NEAT1: variants seen among roughly 807,000 people sequenced by gnomAD.
NEAT1 encodes the protein nuclear paraspeckle assembly transcript 1, also known as MENepsilon/beta.
exon 1 of NEAT1, chr11:65,430,730 C>T (rs912817465): frequency 3.3e-5 from 5 of 152,258 alleles, no homozygotes; most frequent in East Asian, 3.9e-4. Flanking sequence ...GGCATTGCCT[C>T]GGCAGTGAGC....
chr11:65,438,545 C>T (rs1294799900), exon 1 of NEAT1: 2 of 152,178 alleles, frequency 1.3e-5, no homozygotes, highest in Non-Finnish European at 2.9e-5. Context: ...TGTCTCTCCC[C>T]CTAGTCTTTG....
exon 1 of NEAT1, chr11:65,436,047 C>G (rs539934959): frequency 1.3e-5 from 2 of 152,348 alleles, no homozygotes; most frequent in Admixed American, 1.3e-4. Flanking sequence ...CACAGCGTGG[C>G]TGCTTCAGGG....
At chr11:65,425,883 G>A (rs149731712) in exon 1 of NEAT1, 2 of 152,244 alleles carry the variant, frequency 1.3e-5, no homozygotes, top group East Asian at 3.9e-4. Flanking sequence ...ATATTTGGTA[G>A]ACAGAATCCA....
chr11:65,424,799 AAACTTG>A (rs1271168107), exon 1 of NEAT1: 1 of 152,080 alleles, frequency 6.6e-6, no homozygotes, highest in East Asian at 1.9e-4. Context: ...TCGTTTTTTT[AAACTTG>A]AACTTTACTT....
chr11:65,424,365 T>C (rs188867102), exon 1 of NEAT1: 34 of 152,328 alleles, frequency 2.2e-4, no homozygotes, highest in African/African-American at 8.2e-4. Flanking sequence ...CATACTAGTT[T>C]TGTGCTTGGA....
exon 1 of NEAT1, chr11:65,425,963 G>T (rs538871876): frequency 6.6e-6 from 1 of 152,214 alleles, no homozygotes; most frequent in South Asian, 2.1e-4. Flanking sequence ...CTTTTTAAAT[G>T]AGCCAAGACT....
At chr11:65,438,857 G>A (rs916667247) in exon 1 of NEAT1, 1 of 152,122 alleles carries the variant, frequency 6.6e-6, no homozygotes, top group Admixed American at 6.5e-5. Context: ...GAACAGTTGC[G>A]TACAAGTTTT....
At chr11:65,430,594 TG>T (rs1453492382) in exon 1 of NEAT1, 1 of 152,232 alleles carries the variant, frequency 6.6e-6, no homozygotes, top group Non-Finnish European at 1.5e-5. Context: ...CATGATTTTA[TG>T]CCATTGTGCT....
chr11:65,432,573 A>G (rs1856622221), exon 1 of NEAT1: 2 of 152,104 alleles, frequency 1.3e-5, no homozygotes, highest in Non-Finnish European at 2.9e-5. Context: ...ATTTACATTG[A>G]TGAAATAGCA....
At chr11:65,426,610 T>C (rs1048773435) in exon 1 of NEAT1, 3 of 152,216 alleles carry the variant, frequency 2.0e-5, no homozygotes, top group African/African-American at 7.2e-5. Context: ...CTTCATATTG[T>C]AGATTTAGGT....
At chr11:65,430,869 C>A (rs772049664) in exon 1 of NEAT1, 2 of 152,134 alleles carry the variant, frequency 1.3e-5, no homozygotes, top group Admixed American at 6.5e-5. Context: ...TTATTTATTT[C>A]TTGCTACTTT....
exon 1 of NEAT1, chr11:65,437,241 A>G (rs1480516817): frequency 6.9e-6 from 1 of 145,656 alleles, no homozygotes; most frequent in African/African-American, 2.5e-5. Context: ...ATATATATAC[A>G]TATATATATA....
rs1212490385 is a variant in NEAT1 at position 65,425,009 on chromosome 11, AGTGTGGGTG to A, written n.2216_2224del. On this transcript the variant is annotated non_coding_transcript_exon_variant, in exon 1 of 1. Coordinates refer to ENST00000501122, the Ensembl canonical transcript of NEAT1. ...AGGGGAGAGGGTTGGTTAGAGATAC[AGTGTGGGTG>A]GTGGGGGTGGTAGGAAATGCAGGTT... is the stretch of plus-strand genomic sequence containing the variant. 4.0e-5 allele frequency: 6 copies of A among 151,734 alleles called. No homozygotes were observed. The East Asian group carries it at 1.2e-3, about 29-fold the overall frequency. 9.4% of individuals were successfully genotyped at this position (151,734 alleles called of 1,614,324 possible).
Position 65,426,381 on chromosome 11 carries a change from T to C in NEAT1, n.3584T>C, listed in dbSNP as rs1344117368. 4 of 152,288 alleles carry C rather than the reference T, an allele frequency of 2.6e-5. No individual in the cohort carries two copies. In the East Asian group the frequency reaches 7.7e-4, roughly 29 times the overall value. The allele number at this position is 152,288 out of a possible 1,614,324, so 9.4% of individuals were successfully genotyped here. On this transcript the variant is annotated non_coding_transcript_exon_variant, in exon 1 of 1. Transcript: ENST00000501122. ...GGAAGTAGTCTCGGGTATGCTGTTG[T>C]GAAATTGAAACTGTAAAAGTAGATG...
At chr11:65,437,209 A>ATG (rs1555046532) in exon 1 of NEAT1, 40 of 140,134 alleles carry the variant, frequency 2.9e-4, no homozygotes, top group African/African-American at 9.6e-4. Context: ...ATATATATAT[A>ATG]TGTATATATA....
At chr11:65,426,060 G>C (rs963562887) in exon 1 of NEAT1, 2 of 152,126 alleles carry the variant, frequency 1.3e-5, no homozygotes, top group Admixed American at 6.6e-5. Context: ...GAGTGGGCGA[G>C]GTGCCTTTAC....
exon 1 of NEAT1, chr11:65,423,427 C>G (rs1196419479): frequency 2.0e-5 from 3 of 151,832 alleles, no homozygotes; most frequent in Non-Finnish European, 4.4e-5. Flanking sequence ...CAGGCCGGGC[C>G]CAGCCTGGTG....
chr11:65,425,334 C>T (rs957804407), exon 1 of NEAT1: 3 of 152,120 alleles, frequency 2.0e-5, no homozygotes, highest in African/African-American at 7.2e-5. Context: ...GATGCCATCT[C>T]ACAGGCAGGG....
At chr11:65,423,335 T>G (rs567218398) in exon 1 of NEAT1, 1 of 152,330 alleles carries the variant, frequency 6.6e-6, no homozygotes, top group African/African-American at 2.4e-5. Flanking sequence ...GGCCTGGTCT[T>G]GTGGAACTGA....
Sources: allele counts gnomAD v4.1 joint callset, GRCh38; gene constraint gnomAD v4.1.1; transcripts MANE v1.5; gene names NCBI Gene and HGNC (gene_info 2026-07-23, HGNC 2026-07-21).